The following CEP112 variants were observed in gnomAD, a reference collection of about 807,000 sequenced individuals.
The protein encoded by CEP112 is centrosomal protein of 112 kDa.
CEP112 carries 127 observed loss-of-function variants against 153.0 expected under a neutral mutation model. The observed-to-expected ratio is 0.83, with a 90% confidence interval of 0.72 to 0.96. CEP112 has a LOEUF of 0.96. Ranked by LOEUF, CEP112 falls within the 40% of genes least tolerant of loss-of-function variation. The pLI is 0.00. For missense variants in CEP112, 1,089 were observed against 1,101.2 expected, an observed-to-expected ratio of 0.99 and a Z score of 0.16; for synonymous variants, 358 against 374.4, an observed-to-expected ratio of 0.96 and a Z score of 0.51.
chr17:65,912,583 CA>C (rs1477449881), intron 19 of CEP112, among the ~76,000 whole-genome samples: 7 of 152,190 alleles, frequency 4.6e-5, no homozygotes, highest in Non-Finnish European at 8.8e-5. Flanking sequence ...ACCCTTCCTC[CA>C]TAGTAAGCCA....
At chr17:65,707,395 A>G (rs1342174437) in intron 23 of CEP112, among the ~76,000 whole-genome samples, 1 of 152,176 alleles carries the variant, frequency 6.6e-6, no homozygotes, top group Non-Finnish European at 1.5e-5. Context: ...CCAATAGCAT[A>G]GCAGTCTCCA....
chr17:66,026,748 C>T (rs895708628), intron 16 of CEP112, among the ~76,000 whole-genome samples: 1 of 152,178 alleles, frequency 6.6e-6, no homozygotes, highest in South Asian at 2.1e-4. Context: ...TAAGTCATCT[C>T]ATAATAACTT....
chr17:65,649,820 T>C (rs751565775), intron 24 of CEP112, among the ~76,000 whole-genome samples: 1 of 152,140 alleles, frequency 6.6e-6, no homozygotes, highest in African/African-American at 2.4e-5. Flanking sequence ...GTAAAAATTC[T>C]ATGGATGTTA....
chr17:65,681,232 T>C (rs888400341), intron 24 of CEP112, among the ~76,000 whole-genome samples: 1 of 152,164 alleles, frequency 6.6e-6, no homozygotes, highest in Non-Finnish European at 1.5e-5. Flanking sequence ...TAGGAAATTC[T>C]CTTTGGTTTT....
At chr17:65,926,778 C>A (rs902587291) in intron 19 of CEP112, among the ~76,000 whole-genome samples, 1 of 152,022 alleles carries the variant, frequency 6.6e-6, no homozygotes, top group Admixed American at 6.5e-5. Flanking sequence ...AATTTGTAGA[C>A]TGATGACTCA....
chr17:65,940,709 A>C (rs1309135374), intron 18 of CEP112, among the ~76,000 whole-genome samples: 1 of 152,174 alleles, frequency 6.6e-6, no homozygotes, highest in Non-Finnish European at 1.5e-5. Context: ...TAGAGAGTAC[A>C]ATGGTAGTTA....
intron 21 of CEP112, among the ~76,000 whole-genome samples, chr17:65,822,102 AT>A (rs2146022999): frequency 6.6e-6 from 1 of 152,122 alleles, no homozygotes; most frequent in African/African-American, 2.4e-5. Flanking sequence ...TTTCTATATC[AT>A]TTTATTTTTA....
intron 16 of CEP112, among the ~76,000 whole-genome samples, chr17:66,006,706 C>T (rs905582428): frequency 1.2e-4 from 19 of 152,050 alleles, no homozygotes; most frequent in African/African-American, 4.6e-4. Flanking sequence ...AAAAGGGAAA[C>T]TTTGGTACAG....
Position 66,027,557 on chromosome 17 carries a change from G to C in CEP112, c.1600C>G (p.Gln534Glu). The change falls in exon 16 of 27, where the codon CAA becomes GAA. Residue 534 changes from glutamine to glutamate, a missense_variant. Transcript: ENST00000535342. ...TTCTCCATCTGAAACTTATTTTCTTGATCCTGTGAATGATAAATGTTTATA... is the reference window on the plus strand; with the variant it reads ...TTCTCCATCTGAAACTTATTTTCTTCATCCTGTGAATGATAAATGTTTATA... ...ELQRKQQLRDQENKFQMEKSH... is the reference protein window; with the variant it reads ...ELQRKQQLRDEENKFQMEKSH... 1 of 1,284,216 alleles carries C rather than the reference G, an allele frequency of 7.8e-7. No homozygotes were observed. The highest frequency in any genetic ancestry group is 1.0e-6 in the Non-Finnish European group (1 of 958,842). The allele number at this position is 1,284,216 out of a possible 1,614,324, so 79.6% of individuals were successfully genotyped here.
chr17:66,168,529 A>G (rs868090812), intron 4 of CEP112, among the ~76,000 whole-genome samples: 6 of 151,098 alleles, frequency 4.0e-5, no homozygotes, highest in African/African-American at 1.2e-4. Context: ...ATATATATGT[A>G]TATATGTGTG....
chr17:66,082,772 A>AAG (rs1400606896), intron 8 of CEP112, among the ~76,000 whole-genome samples: 1 of 151,924 alleles, frequency 6.6e-6, no homozygotes, highest in East Asian at 1.9e-4. Flanking sequence ...CAAAAAAAAA[A>AAG]AAAAATTTTT....
At chr17:65,781,967 CT>C (rs1326563475) in intron 21 of CEP112, among the ~76,000 whole-genome samples, 1 of 152,082 alleles carries the variant, frequency 6.6e-6, no homozygotes, top group African/African-American at 2.4e-5. Context: ...ATGAATAAGT[CT>C]TCAAAAGCAA....
chr17:66,009,073 T>C (rs1480477995), intron 16 of CEP112, among the ~76,000 whole-genome samples: 1 of 152,088 alleles, frequency 6.6e-6, no homozygotes, highest in Non-Finnish European at 1.5e-5. Context: ...AATGATACGG[T>C]AGTGCTATTT....
At chr17:65,990,115 C>T (rs1206318337) in intron 17 of CEP112, among the ~76,000 whole-genome samples, 1 of 151,956 alleles carries the variant, frequency 6.6e-6, no homozygotes, top group African/African-American at 2.4e-5. Context: ...AGAGAAGTTA[C>T]CAAACAACCA....
intron 17 of CEP112, among the ~76,000 whole-genome samples, chr17:66,005,421 C>T (rs998450100): frequency 2.0e-5 from 3 of 152,090 alleles, no homozygotes; most frequent in Admixed American, 6.5e-5. Flanking sequence ...AATATGTTTT[C>T]GCTTAAGAGG....
At chr17:66,011,995 A>G (rs1162866062) in intron 16 of CEP112, among the ~76,000 whole-genome samples, 1 of 151,944 alleles carries the variant, frequency 6.6e-6, no homozygotes, top group Non-Finnish European at 1.5e-5. Context: ...GTCTTTTTTG[A>G]TATTTGTTGA....
At chr17:66,135,583 C>T (rs1207733250) in intron 4 of CEP112, among the ~76,000 whole-genome samples, 1 of 152,010 alleles carries the variant, frequency 6.6e-6, no homozygotes, top group African/African-American at 2.4e-5. Context: ...CGGTATTGTG[C>T]CTCAATTAAT....
intron 18 of CEP112, among the ~76,000 whole-genome samples, chr17:65,952,860 T>A (rs2061882758): frequency 6.6e-6 from 1 of 152,208 alleles, no homozygotes; most frequent in Admixed American, 6.5e-5. Context: ...ATTTCCTTGA[T>A]GAATGATGAT....
chr17:66,010,237 C>A (rs1181929598), intron 16 of CEP112, among the ~76,000 whole-genome samples: 2 of 152,120 alleles, frequency 1.3e-5, no homozygotes, highest in Non-Finnish European at 2.9e-5. Context: ...AATGGAACTG[C>A]ATTCTTGATT....
Sources: gnomAD v4.1 joint callset for allele counts (sites outside exome capture counted in the v4.1 genomes callset) on GRCh38, gnomAD v4.1.1 for gene constraint, MANE v1.5 for transcripts, NCBI Gene and HGNC (gene_info 2026-07-23, HGNC 2026-07-21) for gene names.